The following AKT3 variants were observed in gnomAD, a reference collection of about 807,000 sequenced individuals.
The protein encoded by AKT3 is AKT serine/threonine kinase 3, also known as RAC-gamma serine/threonine-protein kinase.
Under a neutral mutation model 65.3 loss-of-function variants are expected in AKT3, and 15 were observed. The ratio of observed to expected loss-of-function variants is 0.23; its 90% CI spans 0.15 to 0.35. AKT3 has a LOEUF of 0.35. AKT3 is among the 10% of genes least tolerant of loss of function. The pLI is 1.00. For synonymous variants in AKT3, 206 were observed against 183.8 expected (o/e 1.12, Z -0.98); for missense variants, 243 against 576.5 (o/e 0.42, Z 5.92).
At chr1:243,844,801 A>C (rs1422844291) in intron 1 of AKT3, among the ~76,000 whole-genome samples, 1 of 152,206 alleles carries the variant, frequency 6.6e-6, no homozygotes, top group Non-Finnish European at 1.5e-5. Flanking sequence ...TGTATGCGGG[A>C]AAGTCCTCAA....
At chr1:243,793,776 CAAA>C (rs34262576) in intron 2 of AKT3, among the ~76,000 whole-genome samples, 5 of 129,690 alleles carry the variant, frequency 3.9e-5, no homozygotes, top group South Asian at 2.4e-4. Context: ...AAAACTGTCT[CAAA>C]AAAAAAAAAA....
intron 3 of AKT3, among the ~76,000 whole-genome samples, chr1:243,677,477 C>T (rs1683597542): frequency 6.6e-6 from 1 of 151,988 alleles, no homozygotes; most frequent in Admixed American, 6.5e-5. Context: ...TAATTTCTCA[C>T]AACTTATTTT....
rs1439573646 is a variant in AKT3 at position 243,502,895 on chromosome 1, A to G, written c.*2354T>C. 4.3e-6 allele frequency: 1 copy of G among 233,102 alleles called. No homozygotes were observed. The highest frequency in any genetic ancestry group is 8.5e-6 in the Non-Finnish European group (1 of 118,038). The allele number at this position is 233,102 out of a possible 1,614,324, so 14.4% of individuals were successfully genotyped here. On this transcript the variant is annotated 3_prime_UTR_variant, in exon 14 of 14. Coordinates refer to ENST00000673466, the MANE Select transcript of AKT3 (RefSeq NM_005465.7). ...CACTTTAAGATTTGCGGGAGAAAAAACCAAAACAACAAAAAGCTGTGTGCT... is the reference window on the plus strand; with the variant it reads ...CACTTTAAGATTTGCGGGAGAAAAAGCCAAAACAACAAAAAGCTGTGTGCT...
chr1:243,834,505 G>A (rs1000673474), intron 2 of AKT3, among the ~76,000 whole-genome samples: 1 of 152,080 alleles, frequency 6.6e-6, no homozygotes, highest in African/African-American at 2.4e-5. Flanking sequence ...CGCTGAGGGT[G>A]TACTTTGTGT....
intron 4 of AKT3, among the ~76,000 whole-genome samples, chr1:243,646,974 T>C (rs758480442): frequency 1.3e-5 from 2 of 152,214 alleles, no homozygotes; most frequent in Non-Finnish European, 2.9e-5. Context: ...AATCAGCTTG[T>C]CTACTTCTTA....
intron 12 of AKT3, among the ~76,000 whole-genome samples, chr1:243,543,698 A>C (rs572546761): frequency 3.2e-4 from 49 of 152,334 alleles, no homozygotes; most frequent in African/African-American, 1.2e-3. Context: ...AGTGATACTA[A>C]GTGGATATAA....
At chr1:243,662,930 TAG>T (rs1018999789) in intron 4 of AKT3, among the ~76,000 whole-genome samples, 18 of 152,204 alleles carry the variant, frequency 1.2e-4, no homozygotes, top group African/African-American at 4.3e-4. Context: ...CAGAGGATTT[TAG>T]AGTCTTAAGA....
intron 12 of AKT3, among the ~76,000 whole-genome samples, chr1:243,521,636 A>C (rs1408591136): frequency 6.6e-6 from 1 of 152,232 alleles, no homozygotes; most frequent in Non-Finnish European, 1.5e-5. Flanking sequence ...CATGCTGTTA[A>C]TCTTGTGCCT....
intron 8 of AKT3, 93 bp downstream of exon 8, chr1:243,613,578 G>C (rs763238898): frequency 1.4e-4 from 128 of 926,804 alleles, no homozygotes; most frequent in Non-Finnish European, 1.8e-4. Flanking sequence ...TCAAGAAATG[G>C]AGAACTGCTA....
At chr1:243,717,431 T>C (rs1477044093) in intron 2 of AKT3, among the ~76,000 whole-genome samples, 2 of 152,132 alleles carry the variant, frequency 1.3e-5, no homozygotes, top group African/African-American at 4.8e-5. Flanking sequence ...TTGTCAGAGA[T>C]TTAAAATTTA....
chr1:243,839,001 C>T (rs1695070287), intron 2 of AKT3, among the ~76,000 whole-genome samples: 5 of 152,064 alleles, frequency 3.3e-5, no homozygotes, highest in Admixed American at 3.3e-4. Context: ...AATCTCAAAA[C>T]AGTAACATTA....
At chr1:243,680,999 C>T (rs1415002620) in intron 3 of AKT3, among the ~76,000 whole-genome samples, 1 of 152,110 alleles carries the variant, frequency 6.6e-6, no homozygotes, top group Non-Finnish European at 1.5e-5. Flanking sequence ...GAAAACCTCT[C>T]ACCTCAAGGC....
rs1195670474 is a variant in AKT3, at chr1:243,820,340, A to G, written c.46+22785T>C. Among the ~76,000 whole-genome samples the G allele has an allele frequency of 1.3e-5, 2 of 152,176 alleles. 1 individual carries two copies. The highest frequency in any genetic ancestry group is 1.3e-4 in the Admixed American group (2 of 15,280). On this transcript the variant is annotated intron_variant, in intron 2 of 13. Transcript: ENST00000673466. ...ATCGAAGCTGGATAAACCCATGAAG[A>G]TAAGAAAGAATCAACGAAAAAAACA...
intron 12 of AKT3, among the ~76,000 whole-genome samples, chr1:243,516,135 T>C (rs1388782040): frequency 2.0e-5 from 3 of 152,246 alleles, no homozygotes; most frequent in Non-Finnish European, 4.4e-5. Context: ...TGAAAATATG[T>C]GGGTCTGGTG....
intron 13 of AKT3, among the ~76,000 whole-genome samples, chr1:243,490,329 G>A (rs113873048): frequency 7.2e-5 from 11 of 152,338 alleles, no homozygotes; most frequent in African/African-American, 2.2e-4. Flanking sequence ...GTGGGGGAGC[G>A]GGCCGCTCAA....
At chr1:243,703,760 C>CA (rs370671685) in intron 2 of AKT3, among the ~76,000 whole-genome samples, 21,534 of 77,800 alleles carry the variant, frequency 0.28, 2,657 homozygotes, top group Non-Finnish European at 0.37. Context: ...GACTCCATCT[C>CA]AAAAAAAAAA....
intron 8 of AKT3, among the ~76,000 whole-genome samples, chr1:243,595,474 A>G (rs535083277): frequency 2.0e-5 from 3 of 152,328 alleles, no homozygotes; most frequent in South Asian, 4.1e-4. Context: ...TTTGCTTTCT[A>G]TAACTTTTTC....
At chr1:243,674,564 T>C (rs1056460247) in intron 3 of AKT3, among the ~76,000 whole-genome samples, 1 of 152,220 alleles carries the variant, frequency 6.6e-6, no homozygotes, top group Non-Finnish European at 1.5e-5. Context: ...GAGAATTCCA[T>C]AAGACAGAAC....
chr1:243,684,378 A>G (rs1684139030), intron 3 of AKT3, among the ~76,000 whole-genome samples: 1 of 151,430 alleles, frequency 6.6e-6, no homozygotes, highest in East Asian at 1.9e-4. Context: ...TCACTGTTCA[A>G]CTCCCACTTA....
Sources: allele counts gnomAD v4.1 joint callset (sites outside exome capture counted in the v4.1 genomes callset), GRCh38; gene constraint gnomAD v4.1.1; transcripts MANE v1.5; gene names NCBI Gene and HGNC (gene_info 2026-07-23, HGNC 2026-07-21).